COL25A1: variants seen among roughly 807,000 people sequenced by gnomAD.
COL25A1 encodes the protein collagen alpha-1(XXV) chain.
A neutral mutation model predicts 128.4 loss-of-function variants in COL25A1; 103 were observed. The observed-to-expected ratio is 0.80, with a 90% CI of 0.68 to 0.94. The LOEUF is 0.94. COL25A1 is among the 40% of genes least tolerant of loss of function. The probability of loss-of-function intolerance (pLI) is 0.00; values close to 1 mark genes in which losing one functional copy is unlikely to be tolerated. For missense variants in COL25A1, 745 were observed against 840.0 expected (o/e 0.89, Z 1.40); for synonymous variants, 279 against 277.2 (o/e 1.01, Z -0.06).
chr4:108,887,599 C>T (rs1471478840), intron 18 of COL25A1, among the ~76,000 whole-genome samples: 1 of 151,982 alleles, frequency 6.6e-6, no homozygotes, highest in Non-Finnish European at 1.5e-5. Context: ...AGGATTCTAC[C>T]CCTTCTCTCA....
chr4:108,975,084 CTATA>C (rs1271934993), intron 6 of COL25A1, among the ~76,000 whole-genome samples: 1 of 152,168 alleles, frequency 6.6e-6, no homozygotes, highest in African/African-American at 2.4e-5. Context: ...CACTGTATGA[CTATA>C]TCATCATTTA....
chr4:109,296,180 GT>G lies in COL25A1; in HGVS notation c.367+4402del, dbSNP rs546201669. Among the ~76,000 whole-genome samples, 498 of 152,060 alleles carry G rather than the reference GT, an allele frequency of 3.3e-3. 3 individuals carry two copies. The highest frequency in any genetic ancestry group is 6.3e-3 in the Non-Finnish European group (428 of 67,926). On this transcript the variant is annotated intron_variant, in intron 3 of 37. Transcript: ENST00000399132. ...ACCAGGTATCAGTGTACCTCTATCTGTTCATAAATTCTTGGAGACCTAAAAG... is the reference window on the plus strand; with the variant it reads ...ACCAGGTATCAGTGTACCTCTATCTGTCATAAATTCTTGGAGACCTAAAAG...
chr4:108,920,295 ATT>A (rs1745349738), intron 12 of COL25A1, among the ~76,000 whole-genome samples: 1 of 152,180 alleles, frequency 6.6e-6, no homozygotes, highest in African/African-American at 2.4e-5. Flanking sequence ...CACATTTTAA[ATT>A]TTGTCATGTT....
chr4:109,074,267 G>A (rs1297891077), intron 3 of COL25A1, among the ~76,000 whole-genome samples: 2 of 152,304 alleles, frequency 1.3e-5, no homozygotes, highest in East Asian at 3.9e-4. Context: ...ACAGGCCAAG[G>A]AGCAGGACTG....
intron 13 of COL25A1, among the ~76,000 whole-genome samples, chr4:108,907,350 T>C (rs906122892): frequency 2.6e-5 from 4 of 152,202 alleles, no homozygotes; most frequent in Non-Finnish European, 5.9e-5. Context: ...GACATTTCCA[T>C]GTACTGCTCA....
Position 108,827,180 on chromosome 4 carries a change from T to A in COL25A1, c.1719A>T (p.Lys573Asn), listed in dbSNP as rs1732496772. Residue 573 changes from lysine (K) to asparagine (N), a missense_variant, in exon 33 of 38, where the codon AAA becomes AAT. Physicochemically the swap from Lys to Asn is moderately conservative, Grantham distance 94. Transcript: ENST00000399132. ...PAGPKGERGE[K>N]GAMGEPGPRG... ...TTGGTCCAGGCTCTCCCATAGCTCCTTTTTCACCCTAAAATGAAAAGTAGA... is the reference window on the plus strand; with the variant it reads ...TTGGTCCAGGCTCTCCCATAGCTCCATTTTCACCCTAAAATGAAAAGTAGA... 6.2e-7 allele frequency: 1 copy of A among 1,612,524 alleles called. No individual in the cohort carries two copies. Among genetic ancestry groups the A allele is most frequent in the Non-Finnish European group, 8.5e-7 (1 of 1,178,844 alleles).
intron 9 of COL25A1, 56 bp from the exon 10 acceptor site, chr4:108,940,702 C>A (rs937976732): frequency 3.4e-6 from 4 of 1,176,320 alleles, no homozygotes; most frequent in Non-Finnish European, 4.8e-6. Flanking sequence ...AGACCCAGGT[C>A]TTCTTTTCAG....
At chr4:108,901,317 A>G (rs2125865596) in intron 13 of COL25A1, 145 bp from the exon 14 acceptor site, 1 of 643,880 alleles carries the variant, frequency 1.6e-6, no homozygotes, top group Non-Finnish European at 2.7e-6. Context: ...GTTAGCTTCC[A>G]TGGTCCAAAA....
At chr4:109,038,687 G>A (rs532758822) in intron 5 of COL25A1, among the ~76,000 whole-genome samples, 40 of 152,266 alleles carry the variant, frequency 2.6e-4, no homozygotes, top group South Asian at 4.2e-4. Flanking sequence ...GGCTCTCAAC[G>A]TCAATAAATA....
At chr4:109,195,784 C>A (rs1775991760) in intron 3 of COL25A1, among the ~76,000 whole-genome samples, 1 of 152,098 alleles carries the variant, frequency 6.6e-6, no homozygotes, top group African/African-American at 2.4e-5. Flanking sequence ...ATGCATCCAC[C>A]AAGAAGCAGT....
chr4:109,176,062 C>T (rs1327974550), intron 3 of COL25A1, among the ~76,000 whole-genome samples: 3 of 152,124 alleles, frequency 2.0e-5, no homozygotes, highest in Non-Finnish European at 4.4e-5. Context: ...TATCAGACAC[C>T]TACCAGGGCC....
chr4:108,972,260 G>A (rs1751989250), intron 8 of COL25A1, among the ~76,000 whole-genome samples: 1 of 151,998 alleles, frequency 6.6e-6, no homozygotes, highest in Admixed American at 6.6e-5. Context: ...CAGGGTATTG[G>A]AATACAAACT....
intron 3 of COL25A1, among the ~76,000 whole-genome samples, chr4:109,119,219 A>G (rs920413848): frequency 2.0e-5 from 3 of 152,088 alleles, no homozygotes; most frequent in African/African-American, 7.2e-5. Context: ...CAGTGCTTAG[A>G]GGAAAATTTA....
intron 3 of COL25A1, among the ~76,000 whole-genome samples, chr4:109,189,297 C>T (rs1775388266): frequency 3.3e-5 from 5 of 151,950 alleles, no homozygotes; most frequent in Admixed American, 3.3e-4. Flanking sequence ...CCTGTAATTC[C>T]AGCACTTTGG....
chr4:108,817,295 T>C, intron 37 of COL25A1, 102 bp downstream of exon 37: 1 of 1,009,130 alleles, frequency 9.9e-7, no homozygotes, highest in East Asian at 2.4e-5. Context: ...ATGAAATCTT[T>C]TGCTTTTTAA....
intron 3 of COL25A1, among the ~76,000 whole-genome samples, chr4:109,077,881 GGT>G (rs1763516052): frequency 6.6e-6 from 1 of 152,096 alleles, no homozygotes; most frequent in Admixed American, 6.6e-5. Flanking sequence ...CTGCTTTTTG[GGT>G]GACAGAAATG....
chr4:108,833,330 C>G (rs1264667407), intron 31 of COL25A1, among the ~76,000 whole-genome samples: 5 of 152,186 alleles, frequency 3.3e-5, no homozygotes, highest in African/African-American at 1.2e-4. Context: ...ACCAGGCAGC[C>G]AAGATGACTT....
intron 3 of COL25A1, among the ~76,000 whole-genome samples, chr4:109,179,461 A>C (rs538172671): frequency 6.6e-6 from 1 of 152,314 alleles, no homozygotes; most frequent in South Asian, 2.1e-4. Context: ...CTCCTCATTC[A>C]ATTTTTTTGG....
At chr4:108,974,312 T>C (rs950220471) in intron 8 of COL25A1, 55 bp downstream of exon 8, 51 of 1,590,258 alleles carry the variant, frequency 3.2e-5, no homozygotes, top group Non-Finnish European at 4.2e-5. Flanking sequence ...TTTCATTCAA[T>C]AAACTTGGAG....
Sources: allele counts gnomAD v4.1 joint callset (sites outside exome capture counted in the v4.1 genomes callset), GRCh38; gene constraint gnomAD v4.1.1; transcripts MANE v1.5; gene names NCBI Gene and HGNC (gene_info 2026-07-23, HGNC 2026-07-21).